The following SH2D3C variants were observed in gnomAD, a reference collection of about 807,000 sequenced individuals.
SH2D3C encodes the protein SH2 domain-containing protein 3C.
A neutral mutation model predicts 75.2 loss-of-function variants in SH2D3C; 25 were observed. The ratio of observed to expected loss-of-function variants is 0.33; its 90% CI spans 0.24 to 0.46. The LOEUF is 0.46. SH2D3C is among the 20% of genes least tolerant of loss of function. The probability of loss-of-function intolerance (pLI) is 1.00; values close to 1 mark genes in which losing one functional copy is unlikely to be tolerated. For missense variants in SH2D3C, 933 were observed against 1,165.3 expected, an observed-to-expected ratio of 0.80 and a Z score of 2.90; for synonymous variants, 450 against 473.7, an observed-to-expected ratio of 0.95 and a Z score of 0.65.
intron 2 of SH2D3C, among the ~76,000 whole-genome samples, chr9:127,763,009 C>CA (rs1205864318): frequency 6.6e-6 from 1 of 152,216 alleles, no homozygotes; most frequent in Non-Finnish European, 1.5e-5. Flanking sequence ...GCCGACCCTC[C>CA]AGGCTGTCTC....
rs570129981 is a variant in SH2D3C, at chr9:127,749,457, C to T, written c.893G>A (p.Arg298His). The T allele has an allele frequency of 9.9e-6, 16 of 1,614,158 alleles. No homozygotes were observed. The East Asian group carries it at 1.6e-4, about 16-fold the overall frequency. The change falls in exon 5 of 12, where the codon CGC becomes CAC. Residue 298 changes from arginine to histidine, a missense_variant. By Grantham distance (29) the Arg-to-His change is conservative. Coordinates refer to ENST00000314830, the MANE Select transcript of SH2D3C (RefSeq NM_170600.3). This position sits in a 1 kb window ranked among gnomAD's most constrained non-coding sequence, Gnocchi z 5.9. The part of the protein sequence containing the change: ...ESFDHVPALV[R>H]YHVGSRKAVS... ...AGCCTTGCGGCTGCCCACATGATAG[C>T]GCACGAGGGCGGGCACGTGGTCAAA...
chr9:127,762,500 T>C lies in SH2D3C; in HGVS notation c.516-850A>G, dbSNP rs148887412. ...TCCCCATCTTCCCCGTCTCAGCTGA[T>C]GTCAGTTTCCTCTTTCCTGCAGCTT... On this transcript the variant is annotated intron_variant, in intron 2 of 11. Transcript: ENST00000314830. The C allele has an allele frequency of 1.6e-3, 775 of 470,006 alleles. 6 individuals are homozygous for C. The highest frequency in any genetic ancestry group is 0.011 in the African/African-American group (553 of 50,120). The allele number at this position is 470,006 out of a possible 1,614,324, so 29.1% of individuals were successfully genotyped here. A position where few individuals can be genotyped will look rare whatever the true frequency, so the allele number is the denominator to read the frequency against.
chr9:127,767,271 C>A (rs2131802461), intron 2 of SH2D3C: 1 of 1,452,278 alleles, frequency 6.9e-7, no homozygotes, highest in Non-Finnish European at 9.0e-7. Context: ...AGTCTCAAAA[C>A]CTGCCAAAGA....
intron 3 of SH2D3C, among the ~76,000 whole-genome samples, chr9:127,752,786 C>T (rs184610480): frequency 6.6e-6 from 1 of 152,246 alleles, no homozygotes; most frequent in Non-Finnish European, 1.5e-5. Flanking sequence ...TGGCCTCTGC[C>T]CTGGGGGAGG....
chr9:127,741,382 A>G (rs764643951), intron 9 of SH2D3C, among the ~76,000 whole-genome samples: 8 of 151,806 alleles, frequency 5.3e-5, no homozygotes, highest in African/African-American at 1.9e-4. Context: ...CTGGGATTAC[A>G]GGTGCGCACC....
In SH2D3C at chr9:127,769,380, C is replaced by T. The variant is rs920562465; in HGVS notation, c.515+4610G>A. On this transcript the variant is annotated intron_variant, in intron 2 of 11. Coordinates refer to ENST00000314830, the MANE Select transcript of SH2D3C (RefSeq NM_170600.3). ...AAAGCTGGCTGGGTGCGGTGGCTCA[C>T]GCCTGTAATCCCAGCATTTTGGGAG... Among the ~76,000 whole-genome samples, 13 of 152,274 alleles carry T rather than the reference C, an allele frequency of 8.5e-5. No homozygotes were observed. In the South Asian group the frequency reaches 1.7e-3, roughly 19 times the overall value.
Position 127,774,573 on chromosome 9 carries a change from G to T in SH2D3C, c.38-106C>A. 1.5e-6 allele frequency: 1 copy of T among 674,890 alleles called. No individual in the cohort carries two copies. Among genetic ancestry groups the T allele is most frequent in the Non-Finnish European group, 2.6e-6 (1 of 383,920 alleles). The allele number at this position is 674,890 out of a possible 1,614,324, so 41.8% of individuals were successfully genotyped here. A position where few individuals can be genotyped will look rare whatever the true frequency, so the allele number is the denominator to read the frequency against. On this transcript the variant is annotated intron_variant, in intron 1 of 11. Coordinates refer to ENST00000314830, the MANE Select transcript of SH2D3C (RefSeq NM_170600.3). The surrounding 1 kb of genome is among the most constrained non-coding windows in gnomAD (Gnocchi z 4.3). Reference sequence around the variant, plus strand: ...ACTCGGTGAGGGGCTGAAGAGGGCTGGCGGTTTCCCAGACACCCCTTCTAA... The same window carrying T: ...ACTCGGTGAGGGGCTGAAGAGGGCTTGCGGTTTCCCAGACACCCCTTCTAA...
chr9:127,762,601 G>A (rs752144861), intron 2 of SH2D3C, among the ~76,000 whole-genome samples: 7 of 152,152 alleles, frequency 4.6e-5, no homozygotes, highest in South Asian at 2.1e-4. Flanking sequence ...AAATCCTGCC[G>A]CTCCGCCGTC....
At chr9:127,775,142 G>T (rs1216901919) in intron 1 of SH2D3C, among the ~76,000 whole-genome samples, 1 of 152,112 alleles carries the variant, frequency 6.6e-6, no homozygotes, top group Non-Finnish European at 1.5e-5. Context: ...TTAACATGGT[G>T]CTTGGCACAC....
chr9:127,762,329 C>T (rs890692233), intron 2 of SH2D3C: 91 of 1,300,886 alleles, frequency 7.0e-5, no homozygotes, highest in Non-Finnish European at 3.0e-6. Flanking sequence ...GCCTTAAATG[C>T]TACCCCTACC....
intron 3 of SH2D3C, among the ~76,000 whole-genome samples, chr9:127,759,197 T>C (rs1845466529): frequency 6.6e-6 from 1 of 152,212 alleles, no homozygotes. Flanking sequence ...GGGTTTTCTA[T>C]ATCAGCCTAC....
intron 9 of SH2D3C, among the ~76,000 whole-genome samples, chr9:127,740,970 C>G (rs776502222): frequency 6.6e-6 from 1 of 151,890 alleles, no homozygotes; most frequent in East Asian, 1.9e-4. Flanking sequence ...CGTGAGCTAC[C>G]GCGCCTGGCT....
chr9:127,768,149 CAG>C (rs1845669655), intron 2 of SH2D3C, among the ~76,000 whole-genome samples: 1 of 152,124 alleles, frequency 6.6e-6, no homozygotes, highest in South Asian at 2.1e-4. Context: ...AGAGGCTGCA[CAG>C]ACACGGCCCA....
At chr9:127,757,858 T>C (rs1481516279) in intron 3 of SH2D3C, among the ~76,000 whole-genome samples, 3 of 151,686 alleles carry the variant, frequency 2.0e-5, no homozygotes, top group African/African-American at 7.3e-5. Context: ...ATGGGGTTTC[T>C]CCATGTTGGC....
intron 9 of SH2D3C, among the ~76,000 whole-genome samples, chr9:127,740,770 T>A (rs1780906326): frequency 6.6e-6 from 1 of 152,240 alleles, no homozygotes; most frequent in South Asian, 2.1e-4. Flanking sequence ...AAACTCCGCC[T>A]CCTGGCTTCA....
chr9:127,745,223 C>T (rs771039719), intron 6 of SH2D3C, 124 bp from the exon 7 acceptor site: 1 of 723,926 alleles, frequency 1.4e-6, no homozygotes, highest in Non-Finnish European at 2.0e-6. Context: ...GATGTCCCCA[C>T]CTCCCTGCAT....
Position 127,742,040 on chromosome 9 carries a change from G to C in SH2D3C, c.1917-81C>G. On this transcript the variant is annotated intron_variant, in intron 8 of 11. Coordinates refer to ENST00000314830, the MANE Select transcript of SH2D3C (RefSeq NM_170600.3). Reference sequence around the variant, plus strand: ...GGGCCTGGGGCGCTGCCTGTGGTTGGGCCGGGAGAGGCGGAGGGCGGAGCC... The same window carrying C: ...GGGCCTGGGGCGCTGCCTGTGGTTGCGCCGGGAGAGGCGGAGGGCGGAGCC... 5 of 1,369,582 alleles carry C rather than the reference G, an allele frequency of 3.7e-6. No individual in the cohort carries two copies. In the South Asian group the frequency reaches 6.8e-5, roughly 19 times the overall value. The allele number at this position is 1,369,582 out of a possible 1,614,324, so 84.8% of individuals were successfully genotyped here.
chr9:127,743,705 C>G (rs1052730897), intron 7 of SH2D3C, among the ~76,000 whole-genome samples: 1 of 152,140 alleles, frequency 6.6e-6, no homozygotes, highest in East Asian at 1.9e-4. Context: ...TCTTGCTTCC[C>G]GCGCTCTGAG....
chr9:127,760,001 T>G (rs1845489556), intron 3 of SH2D3C, among the ~76,000 whole-genome samples: 1 of 151,766 alleles, frequency 6.6e-6, no homozygotes, highest in Admixed American at 6.6e-5. Flanking sequence ...AAAAAAATTT[T>G]TTTTTTTTTA....
Sources: allele counts gnomAD v4.1 joint callset (sites outside exome capture counted in the v4.1 genomes callset), GRCh38; gene constraint gnomAD v4.1.1; non-coding constraint Gnocchi (gnomAD v3.1); transcripts MANE v1.5; gene names NCBI Gene and HGNC (gene_info 2026-07-23, HGNC 2026-07-21).